IWS1: variants seen among roughly 807,000 people sequenced by gnomAD.
IWS1 encodes protein IWS1 homolog.
IWS1 carries 27 observed loss-of-function variants against 86.7 expected under a neutral mutation model. That is an observed-to-expected ratio of 0.31 (90% CI 0.23 to 0.43). IWS1 has a LOEUF of 0.43. Among genes scored for constraint, IWS1 ranks in the 20% least tolerant of loss-of-function variants. IWS1 has a pLI of 1.00. For missense variants in IWS1, 827 were observed against 1,000.8 expected, an observed-to-expected ratio of 0.83 and a Z score of 2.34; for synonymous variants, 313 against 335.1, an observed-to-expected ratio of 0.93 and a Z score of 0.72.
intron 5 of IWS1, among the ~76,000 whole-genome samples, 174 bp from the exon 6 acceptor site, chr2:127,498,411 T>C (rs183747311): frequency 2.3e-4 from 35 of 152,364 alleles, no homozygotes; most frequent in Admixed American, 7.8e-4. Flanking sequence ...TTCTTGTGTT[T>C]CCTTCCAGAA....
intron 8 of IWS1, chr2:127,494,431 A>G (rs1275863915): frequency 2.0e-5 from 3 of 152,830 alleles, no homozygotes; most frequent in Admixed American, 6.5e-5. Context: ...CGGAGAAAAC[A>G]GATGCAATTT....
At chr2:127,509,960 A>C (rs1423697816) in intron 2 of IWS1, among the ~76,000 whole-genome samples, 1 of 152,212 alleles carries the variant, frequency 6.6e-6, no homozygotes, top group Non-Finnish European at 1.5e-5. Context: ...TTCAAATTTC[A>C]AAGTATTATA....
chr2:127,489,959 A>T lies in IWS1; in HGVS notation c.2048-16T>A. The T allele has an allele frequency of 2.2e-6, 3 of 1,382,208 alleles. No homozygotes were observed. The highest frequency in any genetic ancestry group is 3.1e-6 in the Non-Finnish European group (3 of 972,596). 85.6% of individuals were successfully genotyped at this position (1,382,208 alleles called of 1,614,324 possible). On this transcript the variant is annotated splice_polypyrimidine_tract_variant and intron_variant, in intron 10 of 13. Transcript: ENST00000295321. The surrounding 1 kb of genome is among the most constrained non-coding windows in gnomAD (Gnocchi z 4.8). The stretch of plus-strand genomic sequence containing the variant: ...GACCACTCATCTGTAGTAAGAAAAA[A>T]ATCAATTATTTTGTCCATAAAATTG...
At chr2:127,488,243 C>A (rs1216756267) in intron 12 of IWS1, 2 of 152,228 alleles carry the variant, frequency 1.3e-5, no homozygotes, top group African/African-American at 2.4e-5. Flanking sequence ...ATTGAACAAT[C>A]TTTTCTATGG....
At chr2:127,525,513 T>C (rs1692352299) in intron 1 of IWS1, among the ~76,000 whole-genome samples, 1 of 152,188 alleles carries the variant, frequency 6.6e-6, no homozygotes, top group South Asian at 2.1e-4. Context: ...GGAAAGCAAA[T>C]GCGACGTGTT....
Position 127,526,412 on chromosome 2 carries a change from C to G in IWS1, c.-204G>C, listed in dbSNP as rs1166444201. 3.9e-6 allele frequency: 6 copies of G among 1,536,100 alleles called. No homozygotes were observed. The African/African-American group carries it at 8.2e-5, about 21-fold the overall frequency. On this transcript the variant is annotated 5_prime_UTR_variant, in exon 1 of 14. Transcript: ENST00000295321. ...AAGCCCCGGCGGAAAAGGCCGTACC[C>G]GGCAGGCTGGCGGGCGGGCAGGCAT...
intron 2 of IWS1, among the ~76,000 whole-genome samples, chr2:127,522,846 G>C (rs1692174312): frequency 6.6e-6 from 1 of 152,162 alleles, no homozygotes; most frequent in African/African-American, 2.4e-5. Context: ...TTATGTATTA[G>C]AGCAAATACG....
chr2:127,509,434 C>T (rs1253205486), intron 2 of IWS1, among the ~76,000 whole-genome samples: 4 of 152,088 alleles, frequency 2.6e-5, no homozygotes, highest in South Asian at 2.1e-4. Flanking sequence ...TGCCGCCGGG[C>T]GCAGTGGCTC....
chr2:127,494,949 G>A lies in IWS1; in HGVS notation c.1722C>T (p.Asp574=). ...GCTTTTTTTGATTGTTCAACTGTCT[G>A]TCTTCCTATTCAGAAAAAAAATAAA... The part of the protein sequence containing the change: ...IVKMNEAAEE[D]RQLNNQKKPA... Residue 574 remains aspartate (D), a synonymous_variant, in exon 8 of 14, where the codon GAC becomes GAT. Coordinates refer to ENST00000295321, the MANE Select transcript of IWS1 (RefSeq NM_017969.3). The A allele has an allele frequency of 6.3e-7, 1 of 1,577,670 alleles. No homozygotes were observed. Among genetic ancestry groups the A allele is most frequent in the African/African-American group, 1.4e-5 (1 of 73,526 alleles).
chr2:127,516,485 G>C (rs1691781554), intron 2 of IWS1, among the ~76,000 whole-genome samples: 1 of 152,158 alleles, frequency 6.6e-6, no homozygotes, highest in South Asian at 2.1e-4. Flanking sequence ...AATAGGCCTG[G>C]CACAATGGCT....
upstream of IWS1, chr2:127,526,850 C>G (rs1692449825): frequency 9.8e-6 from 4 of 407,072 alleles, no homozygotes; most frequent in South Asian, 8.0e-5. Context: ...CCGCAGTAGG[C>G]AAGAAAGCGG....
chr2:127,488,496 C>T (rs1690051604), intron 12 of IWS1, among the ~76,000 whole-genome samples: 4 of 152,206 alleles, frequency 2.6e-5, no homozygotes, highest in Admixed American at 2.6e-4. Context: ...CACTAAGTCA[C>T]CAACATATGA....
chr2:127,500,326 T>C (rs564031207), intron 5 of IWS1, among the ~76,000 whole-genome samples: 1 of 152,224 alleles, frequency 6.6e-6, no homozygotes, highest in Non-Finnish European at 1.5e-5. Flanking sequence ...CTGCTTCTTC[T>C]GTCAGTTACA....
chr2:127,487,200 TAGAGAG>T (rs369565692), intron 12 of IWS1, among the ~76,000 whole-genome samples: 1 of 152,212 alleles, frequency 6.6e-6, no homozygotes, highest in African/African-American at 2.4e-5. Context: ...TAAAAAATGA[TAGAGAG>T]AGAGATCCAA....
intron 2 of IWS1, among the ~76,000 whole-genome samples, chr2:127,518,487 C>G (rs1384824893): frequency 6.6e-6 from 1 of 151,646 alleles, no homozygotes; most frequent in Non-Finnish European, 1.5e-5. Flanking sequence ...ACACTCCAGC[C>G]CGGGCGACAG....
intron 13 of IWS1, among the ~76,000 whole-genome samples, chr2:127,484,026 G>A (rs1032566918): frequency 4.6e-5 from 7 of 152,128 alleles, no homozygotes; most frequent in Non-Finnish European, 1.0e-4. Flanking sequence ...ATTGTTAGCC[G>A]GGCATGGTGG....
chr2:127,500,100 G>A (rs1026086410), intron 5 of IWS1, among the ~76,000 whole-genome samples: 3 of 152,136 alleles, frequency 2.0e-5, no homozygotes, highest in African/African-American at 4.8e-5. Context: ...AAAAAGATTG[G>A]TAAATTTGAT....
chr2:127,526,938 C>T, upstream of IWS1: 1 of 279,040 alleles, frequency 3.6e-6, no homozygotes, highest in South Asian at 3.1e-5. Context: ...ACAGCGCCTC[C>T]TCTCCCGGCG....
chr2:127,481,490 T>A, intron 13 of IWS1, among the ~76,000 whole-genome samples: 1 of 152,172 alleles, frequency 6.6e-6, no homozygotes, highest in Non-Finnish European at 1.5e-5. Context: ...ATCATGTACA[T>A]TACGTTTTAA....
Sources: gnomAD v4.1 joint callset for allele counts (sites outside exome capture counted in the v4.1 genomes callset) on GRCh38, gnomAD v4.1.1 for gene constraint, Gnocchi (gnomAD v3.1) non-coding constraint, MANE v1.5 for transcripts, NCBI Gene and HGNC (gene_info 2026-07-23, HGNC 2026-07-21) for gene names.